ANKS1B: variants seen among roughly 807,000 people sequenced by gnomAD.
The protein encoded by ANKS1B is ankyrin repeat and sterile alpha motif domain containing 1B.
ANKS1B carries 36 observed loss-of-function variants against 148.3 expected under a neutral mutation model. The observed-to-expected ratio is 0.24, with a 90% CI of 0.19 to 0.32. The LOEUF (loss-of-function observed/expected upper bound fraction) is 0.32. Ranked by LOEUF, ANKS1B falls within the 10% of genes least tolerant of loss-of-function variation. ANKS1B has a pLI of 1.00. For synonymous variants in ANKS1B, 542 were observed against 560.8 expected (o/e 0.97, Z 0.47); for missense variants, 1,157 against 1,542.6 (o/e 0.75, Z 4.19).
chr12:99,897,885 T>A (rs1316794451), intron 1 of ANKS1B, among the ~76,000 whole-genome samples: 1 of 146,200 alleles, frequency 6.8e-6, no homozygotes, highest in Non-Finnish European at 1.5e-5. Flanking sequence ...AAAACTACCA[T>A]CCAGCAAACA....
chr12:98,995,328 C>T (rs1485428284), intron 17 of ANKS1B, among the ~76,000 whole-genome samples: 5 of 152,066 alleles, frequency 3.3e-5, no homozygotes, highest in African/African-American at 2.4e-5. Context: ...TGGTGGTTCA[C>T]GCCTGTAATC....
chr12:99,062,065 C>T (rs2042629454), intron 16 of ANKS1B, among the ~76,000 whole-genome samples: 1 of 152,168 alleles, frequency 6.6e-6, no homozygotes, highest in African/African-American at 2.4e-5. Flanking sequence ...AGATGCTATG[C>T]TGTGGAATGG....
chr12:99,099,413 G>A (rs922004041), intron 15 of ANKS1B, among the ~76,000 whole-genome samples: 2 of 152,246 alleles, frequency 1.3e-5, no homozygotes, highest in African/African-American at 4.8e-5. Context: ...CTCTATCCAG[G>A]ACACTGTGGT....
chr12:99,792,874 G>T (rs1425614710), intron 4 of ANKS1B, among the ~76,000 whole-genome samples: 3 of 151,848 alleles, frequency 2.0e-5, no homozygotes, highest in African/African-American at 7.3e-5. Context: ...AGACATAAAG[G>T]GCATCCAAAT....
At chr12:99,593,987 G>A (rs1043963448) in intron 9 of ANKS1B, among the ~76,000 whole-genome samples, 2 of 151,934 alleles carry the variant, frequency 1.3e-5, no homozygotes, top group Non-Finnish European at 2.9e-5. Flanking sequence ...ACAGAGAGCA[G>A]CAAAGCACAC....
chr12:99,560,620 A>G (rs1158122963), intron 9 of ANKS1B, among the ~76,000 whole-genome samples: 1 of 152,132 alleles, frequency 6.6e-6, no homozygotes, highest in Non-Finnish European at 1.5e-5. Context: ...ACACTATACT[A>G]TATTCTACTT....
intron 9 of ANKS1B, among the ~76,000 whole-genome samples, chr12:99,597,103 A>G (rs991565839): frequency 2.0e-5 from 3 of 152,082 alleles, no homozygotes; most frequent in African/African-American, 7.2e-5. Context: ...AATATTGTCC[A>G]TCTTTATTAT....
intron 14 of ANKS1B, among the ~76,000 whole-genome samples, chr12:99,188,711 T>C (rs2080226150): frequency 6.6e-6 from 1 of 152,186 alleles, no homozygotes; most frequent in Non-Finnish European, 1.5e-5. Context: ...TAGAGGGACA[T>C]TTATAGCACT....
At chr12:99,574,349 A>T (rs918150285) in intron 9 of ANKS1B, among the ~76,000 whole-genome samples, 2 of 152,192 alleles carry the variant, frequency 1.3e-5, no homozygotes, top group African/African-American at 4.8e-5. Context: ...TTGCCAGGGA[A>T]TTGGATAAAA....
In ANKS1B at chr12:99,451,480, G is replaced by A. The variant is rs141615357; in HGVS notation, c.1439-7671C>T. Among the ~76,000 whole-genome samples the A allele has an allele frequency of 1.4e-3, 208 of 152,310 alleles. 9 individuals are homozygous for A. In the East Asian group the frequency reaches 0.036, roughly 27 times the overall value. On this transcript the variant is annotated intron_variant, in intron 10 of 26. Transcript: ENST00000683438. ...GCAGGAGTTATGAAGGCCTCTGACA[G>A]ACTAGTAAAATTCAGGCATGAAGAA...
chr12:98,891,564 C>A (rs957499200), intron 17 of ANKS1B, among the ~76,000 whole-genome samples: 1 of 152,094 alleles, frequency 6.6e-6, no homozygotes. Context: ...GCATTATTGA[C>A]AGTTATGTGG....
At chr12:99,827,519 G>T (rs1025180559) in intron 1 of ANKS1B, among the ~76,000 whole-genome samples, 6 of 152,128 alleles carry the variant, frequency 3.9e-5, no homozygotes, top group Middle Eastern at 3.2e-3. Flanking sequence ...TCAGCTACGT[G>T]AGTAGATTTT....
intron 17 of ANKS1B, among the ~76,000 whole-genome samples, chr12:98,847,872 A>G (rs912578909): frequency 2.6e-5 from 4 of 152,226 alleles, no homozygotes; most frequent in African/African-American, 9.6e-5. Flanking sequence ...CTGGGATTAC[A>G]GGCTTGAGCC....
intron 17 of ANKS1B, among the ~76,000 whole-genome samples, chr12:98,914,994 T>A (rs1364103994): frequency 6.6e-6 from 1 of 152,196 alleles, no homozygotes; most frequent in Admixed American, 6.5e-5. Flanking sequence ...GGCTTGTTTG[T>A]CTTCTTTGTT....
intron 8 of ANKS1B, among the ~76,000 whole-genome samples, chr12:99,686,864 CCTTT>C (rs1235716239): frequency 1.3e-5 from 2 of 152,124 alleles, no homozygotes; most frequent in African/African-American, 4.8e-5. Flanking sequence ...ATTTTAATCT[CCTTT>C]AAGAAGATTA....
At chr12:99,895,748 TA>T (rs1383314572) in intron 1 of ANKS1B, among the ~76,000 whole-genome samples, 2 of 150,940 alleles carry the variant, frequency 1.3e-5, no homozygotes, top group African/African-American at 4.8e-5. Context: ...CCAAAACCCT[TA>T]CTCAGAGTAA....
intron 11 of ANKS1B, among the ~76,000 whole-genome samples, chr12:99,407,752 A>G (rs1240897523): frequency 6.8e-6 from 1 of 146,124 alleles, no homozygotes; most frequent in Non-Finnish European, 1.5e-5. Flanking sequence ...CATTTACAAT[A>G]GCTACAAATA....
chr12:99,752,727 G>C (rs1601432357), intron 8 of ANKS1B, among the ~76,000 whole-genome samples: 1 of 151,820 alleles, frequency 6.6e-6, no homozygotes, highest in East Asian at 1.9e-4. Context: ...TTATAATTCT[G>C]ATAGTTTCTG....
intron 16 of ANKS1B, among the ~76,000 whole-genome samples, chr12:99,072,478 G>C (rs1425661049): frequency 1.3e-5 from 2 of 152,064 alleles, no homozygotes; most frequent in Admixed American, 1.3e-4. Flanking sequence ...CAAGCAGTAG[G>C]TGGCTAAACT....
Sources: allele counts gnomAD v4.1 joint callset (sites outside exome capture counted in the v4.1 genomes callset), GRCh38; gene constraint gnomAD v4.1.1; transcripts MANE v1.5; gene names NCBI Gene and HGNC (gene_info 2026-07-23, HGNC 2026-07-21).